FAM135B: variants seen among roughly 807,000 people sequenced by gnomAD.
The protein encoded by FAM135B is protein FAM135B.
FAM135B carries 43 observed loss-of-function variants against 127.7 expected under a neutral mutation model. The ratio of observed to expected loss-of-function variants is 0.34; its 90% CI spans 0.26 to 0.43. The LOEUF (loss-of-function observed/expected upper bound fraction) is 0.43, where lower values mean the gene tolerates loss of function less well. Ranked by LOEUF, FAM135B falls within the 20% of genes least tolerant of loss-of-function variation. FAM135B has a pLI of 1.00. For synonymous variants in FAM135B, 670 were observed against 665.1 expected, an observed-to-expected ratio of 1.01 and a Z score of -0.11; for missense variants, 1,558 against 1,725.6, an observed-to-expected ratio of 0.90 and a Z score of 1.72.
chr8:138,137,213 G>A lies in FAM135B; in HGVS notation c.3949C>T (p.Arg1317Cys), dbSNP rs1205211742. 29 of 1,612,326 alleles carry A rather than the reference G, an allele frequency of 1.8e-5. No homozygotes were observed. Among genetic ancestry groups the A allele is most frequent in the Non-Finnish European group, 2.5e-5 (29 of 1,178,462 alleles). The stretch of plus-strand genomic sequence containing the variant: ...CTGGCTGAATGAAATGGCACATAAC[G>A]GTCTTGGGGAGAAGCAACCAGCACG... ...NVVLVASPQDRYVPFHSARIE... is the reference protein window; with the variant it reads ...NVVLVASPQDCYVPFHSARIE... The change falls in exon 19 of 20, where the codon CGT becomes TGT. Residue 1317 changes from arginine (R) to cysteine (C), a missense_variant. Physicochemically the swap from Arg to Cys is radical, Grantham distance 180 (BLOSUM62 -3). Around this residue, in one of 5 missense-constraint regions of FAM135B, gnomAD observed 194 missense variants for 333.8 expected, o/e 0.58. Coordinates refer to ENST00000395297, the MANE Select transcript of FAM135B (RefSeq NM_015912.4).
At chr8:138,382,618 G>A (rs1831929599) in intron 1 of FAM135B, among the ~76,000 whole-genome samples, 1 of 152,100 alleles carries the variant, frequency 6.6e-6, no homozygotes, top group Non-Finnish European at 1.5e-5. Context: ...TCTGTGCATA[G>A]GGACTCTGCA....
chr8:138,300,348 GAGA>G (rs1214856256), intron 3 of FAM135B, among the ~76,000 whole-genome samples: 1 of 152,032 alleles, frequency 6.6e-6, no homozygotes, highest in African/African-American at 2.4e-5. Context: ...GCAGAGCCTG[GAGA>G]CTGCCCTCCT....
rs1341699379 is a variant in FAM135B, at chr8:138,131,149, T to G, written c.*1444A>C. ...TTTACTTGGTTTTGTTACCATGGCA[T>G]CAGTGACCTAGAGTCATGGTCTAGG... On this transcript the variant is annotated 3_prime_UTR_variant, in exon 20 of 20. Transcript: ENST00000395297. The G allele has an allele frequency of 6.6e-6, 1 of 152,222 alleles. No homozygotes were observed. The allele number at this position is 152,222 out of a possible 1,614,324, so 9.4% of individuals were successfully genotyped here.
intron 1 of FAM135B, among the ~76,000 whole-genome samples, chr8:138,378,859 G>T (rs537517265): frequency 6.6e-6 from 1 of 151,968 alleles, no homozygotes; most frequent in Non-Finnish European, 1.5e-5. Flanking sequence ...AGGCTTGCAG[G>T]CACATAAGAT....
At chr8:138,355,536 T>C (rs777770716) in intron 2 of FAM135B, among the ~76,000 whole-genome samples, 1 of 152,140 alleles carries the variant, frequency 6.6e-6, no homozygotes, top group Non-Finnish European at 1.5e-5. Flanking sequence ...CTGAGGACTC[T>C]ATTTGGAGAC....
chr8:138,138,284 C>A (rs1298522609), intron 18 of FAM135B, among the ~76,000 whole-genome samples: 1 of 152,220 alleles, frequency 6.6e-6, no homozygotes, highest in East Asian at 1.9e-4. Flanking sequence ...CACAGATGAG[C>A]CCGTGGCTAC....
At chr8:138,359,534 A>C (rs1830286002) in intron 2 of FAM135B, among the ~76,000 whole-genome samples, 1 of 152,212 alleles carries the variant, frequency 6.6e-6, no homozygotes, top group African/African-American at 2.4e-5. Context: ...GCTCTCTAAC[A>C]GTTGTTTCTT....
At chr8:138,300,444 T>C (rs1011281000) in intron 3 of FAM135B, among the ~76,000 whole-genome samples, 1 of 152,118 alleles carries the variant, frequency 6.6e-6, no homozygotes, top group Non-Finnish European at 1.5e-5. Context: ...AAGATTACAG[T>C]GCTTTCCACC....
chr8:138,211,682 C>T (rs993081644), intron 7 of FAM135B, among the ~76,000 whole-genome samples: 12 of 152,290 alleles, frequency 7.9e-5, no homozygotes, highest in Admixed American at 5.9e-4. Context: ...TCTGCTAGTA[C>T]ACTGCTGAAT....
intron 7 of FAM135B, among the ~76,000 whole-genome samples, chr8:138,229,576 G>C (rs576934997): frequency 2.0e-5 from 3 of 152,264 alleles, no homozygotes; most frequent in Admixed American, 1.3e-4. Flanking sequence ...TTTGTGGGCA[G>C]TTTTACGAAA....
chr8:138,245,341 C>T (rs1349608437), intron 6 of FAM135B, among the ~76,000 whole-genome samples: 1 of 152,158 alleles, frequency 6.6e-6, no homozygotes, highest in African/African-American at 2.4e-5. Context: ...CAAATCTCAT[C>T]TTGAATTGTA....
In FAM135B at chr8:138,287,812, G is replaced by A. The variant is rs570384778; in HGVS notation, c.158-21970C>T. On this transcript the variant is annotated intron_variant, in intron 3 of 19. Coordinates refer to ENST00000395297, the MANE Select transcript of FAM135B (RefSeq NM_015912.4). Reference sequence around the variant, plus strand: ...CACCACTGTTCCCAGTAGTACATACGGACAGACTGTGTTAAAGTACAAAAA... The same window carrying A: ...CACCACTGTTCCCAGTAGTACATACAGACAGACTGTGTTAAAGTACAAAAA... Among the ~76,000 whole-genome samples, 6 of 152,010 alleles carry A rather than the reference G, an allele frequency of 3.9e-5. No homozygotes were observed. In the East Asian group the frequency reaches 5.8e-4, roughly 15 times the overall value.
chr8:138,287,342 C>T (rs1824768742), intron 3 of FAM135B, among the ~76,000 whole-genome samples: 1 of 151,610 alleles, frequency 6.6e-6, no homozygotes, highest in African/African-American at 2.4e-5. Flanking sequence ...TAAACTAAAA[C>T]AGTGCTATAT....
chr8:138,220,102 C>T lies in FAM135B; in HGVS notation c.670-22433G>A, dbSNP rs1037775373. 2.6e-4 allele frequency among the ~76,000 whole-genome samples: 39 copies of T among 150,548 alleles called. 1 individual carries two copies. The highest frequency in any genetic ancestry group is 5.9e-5 in the Non-Finnish European group (4 of 67,642). ...ACACACACACACACGTGCTCATGTG[C>T]AGAACTTAACAAAGCAGAGAGCAGA... is the stretch of plus-strand genomic sequence containing the variant. On this transcript the variant is annotated intron_variant, in intron 7 of 19. Coordinates refer to ENST00000395297, the MANE Select transcript of FAM135B (RefSeq NM_015912.4).
At chr8:138,148,777 C>A in intron 13 of FAM135B, 91 bp from the exon 14 acceptor site, 4 of 949,688 alleles carry the variant, frequency 4.2e-6, no homozygotes, top group Non-Finnish European at 6.2e-6. Flanking sequence ...GGGCTGAGCA[C>A]CCACAAGCAA....
chr8:138,349,923 A>G (rs1195550213), intron 2 of FAM135B, among the ~76,000 whole-genome samples: 2 of 152,234 alleles, frequency 1.3e-5, no homozygotes, highest in African/African-American at 4.8e-5. Flanking sequence ...CATGATGATG[A>G]TCAAGAATAT....
At chr8:138,142,790 G>T (rs969156241) in intron 16 of FAM135B, 2 of 449,258 alleles carry the variant, frequency 4.5e-6, no homozygotes, top group African/African-American at 3.9e-5. Context: ...TCTTTCTACA[G>T]AACTACAAAA....
At chr8:138,178,332 C>T (rs982569369) in intron 10 of FAM135B, among the ~76,000 whole-genome samples, 1 of 152,024 alleles carries the variant, frequency 6.6e-6, no homozygotes, top group African/African-American at 2.4e-5. Flanking sequence ...TCTGAGATTG[C>T]CAAGGCAAGT....
At chr8:138,338,700 G>A (rs1024531394) in intron 2 of FAM135B, among the ~76,000 whole-genome samples, 20 of 152,088 alleles carry the variant, frequency 1.3e-4, no homozygotes, top group Admixed American at 1.3e-3. Flanking sequence ...AAGTCAGTGT[G>A]GCGATTCCTC....
Sources: gnomAD v4.1 joint callset for allele counts (sites outside exome capture counted in the v4.1 genomes callset) on GRCh38, gnomAD v4.1.1 for gene constraint, gnomAD v4.1.1 regional missense constraint, MANE v1.5 for transcripts, NCBI Gene and HGNC (gene_info 2026-07-23, HGNC 2026-07-21) for gene names.